NR6A1: variants seen among roughly 807,000 people sequenced by gnomAD.
The protein encoded by NR6A1 is retinoic acid receptor-related testis-associated receptor.
Under a neutral mutation model 59.1 loss-of-function variants are expected in NR6A1, and 7 were observed. The ratio of observed to expected loss-of-function variants is 0.12; its 90% CI spans 0.07 to 0.22. The LOEUF is 0.22. Among genes scored for constraint, NR6A1 ranks in the 10% least tolerant of loss-of-function variants. NR6A1 has a pLI of 1.00. For missense variants in NR6A1, 468 were observed against 611.6 expected, an observed-to-expected ratio of 0.77 and a Z score of 2.48; for synonymous variants, 243 against 236.1, an observed-to-expected ratio of 1.03 and a Z score of -0.27.
chr9:124,560,497 C>T (rs1029153005), intron 2 of NR6A1, among the ~76,000 whole-genome samples: 4 of 152,194 alleles, frequency 2.6e-5, no homozygotes, highest in African/African-American at 9.7e-5. Context: ...TAGCAAAACA[C>T]TGAAGTCCTT....
At chr9:124,684,608 C>T (rs182878336) in intron 2 of NR6A1, among the ~76,000 whole-genome samples, 182 of 152,306 alleles carry the variant, frequency 1.2e-3, no homozygotes, top group Non-Finnish European at 1.8e-3. Context: ...TACCTTCTTA[C>T]TGGCAATTAA....
chr9:124,731,971 G>T (rs1839897500), intron 2 of NR6A1, among the ~76,000 whole-genome samples: 1 of 152,078 alleles, frequency 6.6e-6, no homozygotes, highest in African/African-American at 2.4e-5. Flanking sequence ...ACCTATAGCT[G>T]CTGGTATACT....
chr9:124,757,213 A>C (rs1432845060), intron 1 of NR6A1, among the ~76,000 whole-genome samples: 1 of 152,066 alleles, frequency 6.6e-6, no homozygotes, highest in Non-Finnish European at 1.5e-5. Context: ...ACACTTCTCA[A>C]AATTATCCCC....
At chr9:124,529,275 T>A (rs1833029229) in intron 7 of NR6A1, among the ~76,000 whole-genome samples, 1 of 152,250 alleles carries the variant, frequency 6.6e-6, no homozygotes, top group South Asian at 2.1e-4. Context: ...TATTCTACAT[T>A]TAATCTTATT....
chr9:124,700,809 G>A (rs927749543), intron 2 of NR6A1, among the ~76,000 whole-genome samples: 6 of 143,258 alleles, frequency 4.2e-5, no homozygotes, highest in Non-Finnish European at 7.5e-5. Flanking sequence ...GGCTCAGGCT[G>A]GAGTGCAATG....
At chr9:124,582,864 C>T (rs895621169) in intron 2 of NR6A1, among the ~76,000 whole-genome samples, 1 of 152,122 alleles carries the variant, frequency 6.6e-6, no homozygotes, top group Admixed American at 6.5e-5. Context: ...AAGAACAAGA[C>T]CCCATCTCTC....
intron 2 of NR6A1, among the ~76,000 whole-genome samples, chr9:124,652,995 CT>C (rs1564219742): frequency 6.6e-6 from 1 of 152,190 alleles, no homozygotes; most frequent in African/African-American, 2.4e-5. Flanking sequence ...CCTACAGCCT[CT>C]GCTTTGGGAA....
chr9:124,771,303 C>T lies in NR6A1; in HGVS notation c.-184G>A, dbSNP rs1180844047. On this transcript the variant is annotated 5_prime_UTR_variant, in exon 1 of 10. Transcript: ENST00000487099. ...TCCGCGCCCCTCCGCGCCGCGCCCCCTCAGCACTGGCCAGCTCCCTCCCCT... is the reference window on the plus strand; with the variant it reads ...TCCGCGCCCCTCCGCGCCGCGCCCCTTCAGCACTGGCCAGCTCCCTCCCCT... 1.5e-5 allele frequency: 6 copies of T among 389,196 alleles called. No homozygotes were observed. Among genetic ancestry groups the T allele is most frequent in the East Asian group, 1.5e-4 (4 of 27,106 alleles). The allele number at this position is 389,196 out of a possible 1,614,324, so 24.1% of individuals were successfully genotyped here.
chr9:124,621,567 T>C (rs1297370416), intron 2 of NR6A1, among the ~76,000 whole-genome samples: 1 of 151,498 alleles, frequency 6.6e-6, no homozygotes, highest in East Asian at 1.9e-4. Flanking sequence ...GGTGGGAGTA[T>C]CACTTCAGCC....
intron 2 of NR6A1, among the ~76,000 whole-genome samples, chr9:124,618,680 GGTCTAGGGAAA>G (rs1379386887): frequency 6.6e-6 from 1 of 152,112 alleles, no homozygotes. Flanking sequence ...AGCTCTTGAA[GGTCTAGGGAAA>G]TACCACATCC....
At chr9:124,730,823 T>C (rs1365973014) in intron 2 of NR6A1, among the ~76,000 whole-genome samples, 1 of 152,148 alleles carries the variant, frequency 6.6e-6, no homozygotes, top group African/African-American at 2.4e-5. Flanking sequence ...AGAATACATT[T>C]GGGTACTAAA....
At chr9:124,762,324 T>C (rs760367289) in intron 1 of NR6A1, among the ~76,000 whole-genome samples, 3 of 152,228 alleles carry the variant, frequency 2.0e-5, no homozygotes, top group Non-Finnish European at 4.4e-5. Context: ...AATAACATTT[T>C]TATGAAAAAT....
chr9:124,595,685 A>G, intron 2 of NR6A1: 1 of 796,006 alleles, frequency 1.3e-6, no homozygotes, highest in East Asian at 6.3e-5. Flanking sequence ...CCTCAAGGCT[A>G]TTTGCTCTAA....
intron 2 of NR6A1, among the ~76,000 whole-genome samples, chr9:124,725,443 C>T: frequency 6.6e-6 from 1 of 152,056 alleles, no homozygotes. Flanking sequence ...CAAAGTCAGT[C>T]TTTCCTCAAC....
chr9:124,637,255 G>C (rs1836636142), intron 2 of NR6A1, among the ~76,000 whole-genome samples: 1 of 152,190 alleles, frequency 6.6e-6, no homozygotes, highest in Non-Finnish European at 1.5e-5. Flanking sequence ...AAAAACATTA[G>C]TAATTGTGTG....
intron 2 of NR6A1, among the ~76,000 whole-genome samples, chr9:124,721,437 C>A (rs1182908700): frequency 6.6e-6 from 1 of 152,134 alleles, no homozygotes; most frequent in Non-Finnish European, 1.5e-5. Flanking sequence ...AGCAGCAATG[C>A]CACAGAATCA....
chr9:124,550,675 A>G (rs927634297), intron 3 of NR6A1, among the ~76,000 whole-genome samples: 9 of 150,948 alleles, frequency 6.0e-5, no homozygotes, highest in Admixed American at 4.6e-4. Flanking sequence ...TGATTTTTCT[A>G]TTTCCCTCAT....
At chr9:124,630,961 C>A (rs1280498905) in intron 2 of NR6A1, among the ~76,000 whole-genome samples, 5 of 152,094 alleles carry the variant, frequency 3.3e-5, no homozygotes, top group African/African-American at 7.2e-5. Flanking sequence ...GCGTGAGCCA[C>A]TATGCCGGGC....
intron 2 of NR6A1, among the ~76,000 whole-genome samples, chr9:124,657,367 T>C (rs529091893): frequency 1.3e-5 from 2 of 152,132 alleles, no homozygotes; most frequent in Non-Finnish European, 2.9e-5. Flanking sequence ...ACAGAACTAT[T>C]GGTATGTTTA....
Sources: allele counts gnomAD v4.1 joint callset (sites outside exome capture counted in the v4.1 genomes callset), GRCh38; gene constraint gnomAD v4.1.1; transcripts MANE v1.5; gene names NCBI Gene and HGNC (gene_info 2026-07-23, HGNC 2026-07-21).